CLCN5: variants seen among roughly 807,000 people sequenced by gnomAD.
CLCN5 encodes the protein Cl-/H+ antiporter 5.
A neutral mutation model predicts 54.0 loss-of-function variants in CLCN5; 17 were observed. That is an observed-to-expected ratio of 0.31 (90% CI 0.22 to 0.47). The LOEUF is 0.47. Ranked by LOEUF, CLCN5 falls within the 20% of genes least tolerant of loss-of-function variation. The probability of loss-of-function intolerance (pLI) is 1.00; values close to 1 mark genes in which losing one functional copy is unlikely to be tolerated. For missense variants in CLCN5, 448 were observed against 646.7 expected (o/e 0.69, Z 3.33); for synonymous variants, 222 against 233.0 (o/e 0.95, Z 0.43).
At chrX:50,047,479 G>A (rs1557187887) in intron 4 of CLCN5, among the ~76,000 whole-genome samples, 1 of 111,053 alleles carries the variant, frequency 9.0e-6, no homozygotes, top group Non-Finnish European at 1.9e-5. Context: ...ATGTCCACAG[G>A]CTTTAAAGGG....
intron 3 of CLCN5, among the ~76,000 whole-genome samples, chrX:49,950,842 G>A (rs913926820): frequency 1.8e-5 from 2 of 111,381 alleles, no homozygotes; most frequent in Non-Finnish European, 3.8e-5. Context: ...GGAGAATGGG[G>A]TATCTGTCCC....
chrX:49,954,714 T>C (rs1557173713), intron 3 of CLCN5, among the ~76,000 whole-genome samples: 1 of 111,036 alleles, frequency 9.0e-6, no homozygotes. Flanking sequence ...AGTGGGGTAG[T>C]GGAGAGAAGG....
Position 50,014,183 on chromosome X carries a change from C to T in CLCN5, c.17-28133C>T, listed in dbSNP as rs186402706. ...TATCCTTGCCACCTAAATGTGCATG[C>T]TGTCTCAGTGCAGCACCTATTCCAG... On this transcript the variant is annotated intron_variant, in intron 3 of 14. Coordinates refer to ENST00000376091, the MANE Select transcript of CLCN5 (RefSeq NM_001127898.4). 2.1e-3 allele frequency among the ~76,000 whole-genome samples: 236 copies of T among 111,719 alleles called. 1 individual carries two copies. The highest frequency in any genetic ancestry group is 3.4e-3 in the Non-Finnish European group (182 of 53,175).
At chrX:50,081,870 G>C (rs782778136) in intron 9 of CLCN5, 23 bp downstream of exon 9, 1 of 1,158,597 alleles carries the variant, frequency 8.6e-7, no homozygotes, top group Admixed American at 2.3e-5. Flanking sequence ...GGCCTTAATA[G>C]TCTCTTTTTG....
intron 3 of CLCN5, chrX:50,014,595 C>A: frequency 2.8e-6 from 1 of 354,170 alleles, no homozygotes; most frequent in East Asian, 8.7e-5. Flanking sequence ...AAGCCTTCTG[C>A]CCTGCTCCCC....
At chrX:50,031,698 A>T (rs1931706607) in intron 3 of CLCN5, among the ~76,000 whole-genome samples, 1 of 108,069 alleles carries the variant, frequency 9.3e-6, no homozygotes. Context: ...TATTTTAAAC[A>T]TTTTTCCATT....
At chrX:49,942,711 A>G (rs1289773529) in intron 3 of CLCN5, among the ~76,000 whole-genome samples, 1 of 109,944 alleles carries the variant, frequency 9.1e-6, no homozygotes, top group African/African-American at 3.3e-5. Context: ...AGCTTCATCC[A>G]TGTCCCTACA....
At chrX:50,014,497 C>G in intron 3 of CLCN5, 1 of 283,279 alleles carries the variant, frequency 3.5e-6, no homozygotes, top group South Asian at 3.4e-5. Context: ...CCTCTCCCAA[C>G]ATATACACAA....
intron 3 of CLCN5, among the ~76,000 whole-genome samples, chrX:49,943,684 G>C (rs1431639314): frequency 6.3e-5 from 7 of 110,964 alleles, no homozygotes; most frequent in South Asian, 7.6e-4. Context: ...GCTTGTTTTT[G>C]TCAGGTTTGT....
rs902139923 is a variant in CLCN5, at chrX:49,996,514, C to A, written c.17-45802C>A. ...TGTAGCTCTGTTTTGCAGCATCGAACCCCATGATATGCGTTACTGTCTTCA... is the reference window on the plus strand; with the variant it reads ...TGTAGCTCTGTTTTGCAGCATCGAAACCCATGATATGCGTTACTGTCTTCA... On this transcript the variant is annotated intron_variant, in intron 3 of 14. Transcript: ENST00000376091. Among the ~76,000 whole-genome samples the A allele has an allele frequency of 4.4e-5, 5 of 112,386 alleles. 1 individual carries two copies. Among genetic ancestry groups the A allele is most frequent in the African/African-American group, 9.7e-5 (3 of 30,902 alleles).
chrX:50,033,935 CT>C (rs1479852605), intron 3 of CLCN5, among the ~76,000 whole-genome samples: 1 of 111,374 alleles, frequency 9.0e-6, no homozygotes, highest in African/African-American at 3.3e-5. Context: ...CTCATAACCC[CT>C]ACTCGTCTGT....
rs782236063 is a variant in CLCN5 at position 50,070,054 on chromosome X, G to A, written c.315+24G>A. 19 of 1,181,859 alleles carry A rather than the reference G, an allele frequency of 1.6e-5. No individual in the cohort carries two copies. In the South Asian group the frequency reaches 3.2e-4, roughly 20 times the overall value. On this transcript the variant is annotated intron_variant, in intron 5 of 14. Coordinates refer to ENST00000376091, the MANE Select transcript of CLCN5 (RefSeq NM_001127898.4). Reference sequence around the variant, plus strand: ...AGGTAAGACAAAAGATGGCACATGGGTAAGTGTTAGGAAATACAGGGGAAG... The same window carrying A: ...AGGTAAGACAAAAGATGGCACATGGATAAGTGTTAGGAAATACAGGGGAAG...
intron 3 of CLCN5, among the ~76,000 whole-genome samples, chrX:49,963,184 G>C (rs782552081): frequency 4.5e-5 from 5 of 112,086 alleles, no homozygotes; most frequent in Non-Finnish European, 7.5e-5. Flanking sequence ...CCCTTCCTTT[G>C]AGACTGGAGA....
intron 3 of CLCN5, among the ~76,000 whole-genome samples, chrX:49,960,400 C>T (rs1255986948): frequency 1.8e-5 from 2 of 110,470 alleles, no homozygotes; most frequent in Non-Finnish European, 3.8e-5. Context: ...TCCTTTTTTA[C>T]ACATTCCTGG....
At chrX:50,081,869 A>G in intron 9 of CLCN5, 22 bp downstream of exon 9, 1 of 1,169,503 alleles carries the variant, frequency 8.6e-7, no homozygotes, top group East Asian at 3.0e-5. Context: ...TGGCCTTAAT[A>G]GTCTCTTTTT....
chrX:50,048,897 C>T (rs1409895224), intron 4 of CLCN5, among the ~76,000 whole-genome samples: 1 of 110,976 alleles, frequency 9.0e-6, no homozygotes, highest in Non-Finnish European at 1.9e-5. Context: ...GTATTCTGAC[C>T]CATACATATA....
chrX:50,002,587 T>C (rs1929890315), intron 3 of CLCN5, among the ~76,000 whole-genome samples: 1 of 111,186 alleles, frequency 9.0e-6, no homozygotes, highest in Admixed American at 9.6e-5. Context: ...CTAATCCAGC[T>C]TTTCCCTGGG....
intron 6 of CLCN5, among the ~76,000 whole-genome samples, chrX:50,073,394 G>A (rs1557191725): frequency 1.8e-5 from 2 of 111,809 alleles, no homozygotes; most frequent in Admixed American, 1.9e-4. Context: ...GTTTTAGGCT[G>A]CCTGGATTTG....
chrX:50,007,397 T>TTCTCTCTCTCTCTCTCTCTC (rs781888075), intron 3 of CLCN5, among the ~76,000 whole-genome samples: 164 of 64,337 alleles, frequency 2.5e-3, no homozygotes, highest in Non-Finnish European at 3.3e-3. Flanking sequence ...CTCTCTCTCT[T>TTCTCTCTCTCTCTCTCTCTC]TCTCTCTCTC....
Sources: allele counts gnomAD v4.1 joint callset (sites outside exome capture counted in the v4.1 genomes callset), GRCh38; gene constraint gnomAD v4.1.1; transcripts MANE v1.5; gene names NCBI Gene and HGNC (gene_info 2026-07-23, HGNC 2026-07-21).